The following SORCS3 variants were observed in gnomAD, a reference collection of about 807,000 sequenced individuals.
SORCS3 encodes sortilin related VPS10 domain containing receptor 3.
SORCS3 carries 57 observed loss-of-function variants against 146.3 expected under a neutral mutation model. The ratio of observed to expected loss-of-function variants is 0.39; its 90% CI spans 0.31 to 0.49. SORCS3 has a LOEUF of 0.49. SORCS3 is among the 20% of genes least tolerant of loss of function. The pLI is 0.92. For missense variants in SORCS3, 1,341 were observed against 1,575.5 expected, an observed-to-expected ratio of 0.85 and a Z score of 2.52; for synonymous variants, 653 against 618.5, an observed-to-expected ratio of 1.06 and a Z score of -0.83.
chr10:104,756,064 C>A (rs1054101870), intron 1 of SORCS3, among the ~76,000 whole-genome samples: 2 of 152,130 alleles, frequency 1.3e-5, no homozygotes, highest in African/African-American at 4.8e-5. Context: ...AAGTGGTTTT[C>A]TCATTTATAA....
At chr10:104,669,506 G>A (rs1206270151) in intron 1 of SORCS3, among the ~76,000 whole-genome samples, 2 of 152,082 alleles carry the variant, frequency 1.3e-5, no homozygotes, top group Non-Finnish European at 2.9e-5. Flanking sequence ...ATTTGCCTTT[G>A]GAATATTTCA....
intron 7 of SORCS3, among the ~76,000 whole-genome samples, chr10:105,135,070 A>G (rs1250627740): frequency 6.6e-6 from 1 of 152,116 alleles, no homozygotes; most frequent in Non-Finnish European, 1.5e-5. Flanking sequence ...GTGAAGTCCA[A>G]AACCCAACAG....
At chr10:104,986,575 C>T in intron 4 of SORCS3, among the ~76,000 whole-genome samples, 1 of 152,188 alleles carries the variant, frequency 6.6e-6, no homozygotes, top group Admixed American at 6.5e-5. Flanking sequence ...ACGTGCCTTC[C>T]TTACTGAGCT....
chr10:104,956,420 G>A (rs2019490658), intron 3 of SORCS3, among the ~76,000 whole-genome samples: 1 of 152,124 alleles, frequency 6.6e-6, no homozygotes, highest in African/African-American at 2.4e-5. Context: ...TACACAAACT[G>A]ATTCTCTGTG....
At chr10:104,948,665 A>G (rs1487387873) in intron 3 of SORCS3, among the ~76,000 whole-genome samples, 1 of 152,212 alleles carries the variant, frequency 6.6e-6, no homozygotes, top group Non-Finnish European at 1.5e-5. Context: ...GTTGAACAGA[A>G]GTGCTTTAAA....
intron 2 of SORCS3, among the ~76,000 whole-genome samples, chr10:104,852,721 T>A (rs1004965052): frequency 3.3e-5 from 5 of 152,158 alleles, no homozygotes; most frequent in Non-Finnish European, 7.3e-5. Context: ...TGGCTCAGAG[T>A]GATGAGCGTA....
intron 1 of SORCS3, among the ~76,000 whole-genome samples, chr10:104,683,565 T>G (rs1027144064): frequency 7.2e-5 from 11 of 152,230 alleles, no homozygotes; most frequent in African/African-American, 2.7e-4. Flanking sequence ...GCCTTGATGC[T>G]ATCATGATGG....
intron 1 of SORCS3, among the ~76,000 whole-genome samples, chr10:104,806,049 A>G (rs1020160902): frequency 6.6e-6 from 1 of 152,222 alleles, no homozygotes; most frequent in Non-Finnish European, 1.5e-5. Context: ...TTGGGGGTTA[A>G]TATTTTTGGC....
chr10:105,186,979 G>A (rs2056481269), intron 14 of SORCS3, among the ~76,000 whole-genome samples: 1 of 150,926 alleles, frequency 6.6e-6, no homozygotes, highest in Non-Finnish European at 1.5e-5. Flanking sequence ...TAGAGTCTCT[G>A]TCATTGCTCA....
At chr10:104,905,798 C>T (rs1189171272) in intron 2 of SORCS3, among the ~76,000 whole-genome samples, 1 of 152,140 alleles carries the variant, frequency 6.6e-6, no homozygotes, top group African/African-American at 2.4e-5. Flanking sequence ...GAGGCTCCGT[C>T]GGGGAGGATG....
intron 2 of SORCS3, among the ~76,000 whole-genome samples, chr10:104,886,404 A>G (rs920105711): frequency 2.6e-5 from 4 of 152,152 alleles, no homozygotes; most frequent in African/African-American, 7.2e-5. Context: ...TATTCCATTT[A>G]CTTTATGAAC....
At chr10:104,836,549 A>G (rs1489444311) in intron 1 of SORCS3, among the ~76,000 whole-genome samples, 2 of 152,214 alleles carry the variant, frequency 1.3e-5, no homozygotes, top group East Asian at 3.9e-4. Flanking sequence ...AACTGATTTT[A>G]TAAGAAGTCA....
rs139233706 is a variant in SORCS3 at position 104,643,430 on chromosome 10, C to T, written c.627+1476C>T. Reference sequence around the variant, plus strand: ...AGCGCGGGCAGCCCAGCCTGGGTAGCCCATGCTGGTCTTGAAGGACCAGTG... The same window carrying T: ...AGCGCGGGCAGCCCAGCCTGGGTAGTCCATGCTGGTCTTGAAGGACCAGTG... On this transcript the variant is annotated intron_variant, in intron 1 of 26. Transcript: ENST00000369701. Among the ~76,000 whole-genome samples, 322 of 152,320 alleles carry T rather than the reference C, an allele frequency of 2.1e-3. 1 individual carries two copies. Among genetic ancestry groups the T allele is most frequent in the African/African-American group, 6.8e-3 (284 of 41,562 alleles).
intron 3 of SORCS3, among the ~76,000 whole-genome samples, chr10:104,937,489 T>C (rs146432711): frequency 2.0e-5 from 3 of 152,288 alleles, no homozygotes; most frequent in South Asian, 2.1e-4. Context: ...ATAACTAACA[T>C]AGAATAAGTG....
chr10:104,764,411 A>G (rs2017157587), intron 1 of SORCS3, among the ~76,000 whole-genome samples: 1 of 152,288 alleles, frequency 6.6e-6, no homozygotes, highest in African/African-American at 2.4e-5. Context: ...TTGAGATTCT[A>G]GCTGATGCAA....
intron 3 of SORCS3, among the ~76,000 whole-genome samples, chr10:104,943,021 G>C (rs191170203): frequency 4.5e-3 from 689 of 152,244 alleles, no homozygotes; most frequent in Non-Finnish European, 7.0e-3. Flanking sequence ...AAATTCAAAA[G>C]AATCTGTAAA....
chr10:104,893,574 T>C (rs2018769823), intron 2 of SORCS3, among the ~76,000 whole-genome samples: 1 of 152,210 alleles, frequency 6.6e-6, no homozygotes, highest in Non-Finnish European at 1.5e-5. Context: ...TTTGTCCCAC[T>C]TGTCCCCCTT....
intron 3 of SORCS3, among the ~76,000 whole-genome samples, chr10:104,945,441 T>A (rs1370204474): frequency 6.6e-6 from 1 of 152,034 alleles, no homozygotes; most frequent in African/African-American, 2.4e-5. Context: ...GTATTTTTAG[T>A]AGAGATGAGT....
intron 1 of SORCS3, among the ~76,000 whole-genome samples, chr10:104,689,687 A>G (rs1354598553): frequency 1.3e-5 from 2 of 152,022 alleles, no homozygotes; most frequent in Non-Finnish European, 2.9e-5. Flanking sequence ...GTCAGTCTTC[A>G]CCACTGGATG....
Sources: gnomAD v4.1 joint callset for allele counts (sites outside exome capture counted in the v4.1 genomes callset) on GRCh38, gnomAD v4.1.1 for gene constraint, MANE v1.5 for transcripts, NCBI Gene and HGNC (gene_info 2026-07-23, HGNC 2026-07-21) for gene names.